RALB: variants seen among roughly 807,000 people sequenced by gnomAD.
RALB encodes RAS like proto-oncogene B.
A neutral mutation model predicts 21.3 loss-of-function variants in RALB; 16 were observed. The observed-to-expected ratio is 0.75, with a 90% CI of 0.51 to 1.14. The LOEUF (loss-of-function observed/expected upper bound fraction) is 1.14. RALB is among the 50% of genes most tolerant of loss of function. The pLI is 0.00. For synonymous variants in RALB, 93 were observed against 96.1 expected (o/e 0.97, Z 0.19); for missense variants, 161 against 256.2 (o/e 0.63, Z 2.54).
intron 1 of RALB, among the ~76,000 whole-genome samples, chr2:120,271,191 C>T (rs569977123): frequency 2.0e-5 from 3 of 152,304 alleles, no homozygotes; most frequent in South Asian, 2.1e-4. Context: ...ATGGGACTAA[C>T]GCTAGTAGAA....
chr2:120,275,914 T>A (rs10203096), intron 1 of RALB, among the ~76,000 whole-genome samples: 105,602 of 151,968 alleles, frequency 0.69, 37,288 homozygotes, highest in Middle Eastern at 0.8. Context: ...AGGGTTGCCA[T>A]CCTGCAGTGA....
At chr2:120,275,758 CGTT>C (rs1689777716) in intron 1 of RALB, among the ~76,000 whole-genome samples, 1 of 152,206 alleles carries the variant, frequency 6.6e-6, no homozygotes, top group East Asian at 1.9e-4. Flanking sequence ...AAAGTGGCCT[CGTT>C]GTCTGGAGTG....
At chr2:120,289,056 A>G (rs1690241915) in intron 3 of RALB, among the ~76,000 whole-genome samples, 1 of 152,166 alleles carries the variant, frequency 6.6e-6, no homozygotes, top group African/African-American at 2.4e-5. Context: ...AGGGGGGAGA[A>G]ACTGCTGGTT....
intron 1 of RALB, among the ~76,000 whole-genome samples, chr2:120,244,745 G>A (rs1688944072): frequency 6.6e-6 from 1 of 152,176 alleles, no homozygotes; most frequent in African/African-American, 2.4e-5. Flanking sequence ...TGCTAGGAGG[G>A]ATGAAAAGAA....
chr2:120,282,910 G>T (rs368602014), intron 2 of RALB, among the ~76,000 whole-genome samples: 2 of 152,132 alleles, frequency 1.3e-5, no homozygotes, highest in Middle Eastern at 3.2e-3. Context: ...AATGTGGCTG[G>T]TGGCTACTAT....
intron 1 of RALB, among the ~76,000 whole-genome samples, chr2:120,265,847 G>T (rs559777732): frequency 6.6e-6 from 1 of 152,254 alleles, no homozygotes; most frequent in Non-Finnish European, 1.5e-5. Context: ...AATAATTCAG[G>T]ATAGGGACAT....
In RALB at chr2:120,278,603, C is replaced by CTT; in HGVS notation, c.-47-13_-47-12dup. The CTT allele has an allele frequency of 2.8e-6, 4 of 1,452,880 alleles. No individual in the cohort carries two copies. The highest frequency in any genetic ancestry group is 2.7e-6 in the Non-Finnish European group (3 of 1,097,446). 90.0% of individuals were successfully genotyped at this position (1,452,880 alleles called of 1,614,324 possible). A position where few individuals can be genotyped will look rare whatever the true frequency, so the allele number is the denominator to read the frequency against. ...AAGCAAATCGCCTCTAAGTCTTTGT[C>CTT]TTTGTCATCAGCAGCTCTTCAGTGG... On this transcript the variant is annotated splice_polypyrimidine_tract_variant and intron_variant, in intron 1 of 4. Coordinates refer to ENST00000272519, the MANE Select transcript of RALB (RefSeq NM_002881.3).
chr2:120,288,421 G>A (rs1690224571), intron 3 of RALB, among the ~76,000 whole-genome samples: 1 of 132,898 alleles, frequency 7.5e-6, no homozygotes, highest in East Asian at 2.1e-4. Context: ...CTGGGCTCAA[G>A]TGTTCCTCCC....
At position 120,293,951 on chromosome 2, in the gene RALB, AT is replaced by A. The variant is rs1690366167; in HGVS notation, c.*696del. 2.5e-6 allele frequency: 1 copy of A among 394,682 alleles called. No homozygotes were observed. Among genetic ancestry groups the A allele is most frequent in the African/African-American group, 2.1e-5 (1 of 48,522 alleles). The allele number at this position is 394,682 out of a possible 1,614,324, so 24.4% of individuals were successfully genotyped here. A position where few individuals can be genotyped will look rare whatever the true frequency, so the allele number is the denominator to read the frequency against. On this transcript the variant is annotated 3_prime_UTR_variant, in exon 5 of 5. Coordinates refer to ENST00000272519, the MANE Select transcript of RALB (RefSeq NM_002881.3). ...TTATTTTTCTCCTGTAAGCATCCTG[AT>A]TTTTCTGTAGGAACTTTTCTTTGGC... is the stretch of plus-strand genomic sequence containing the variant.
intron 1 of RALB, among the ~76,000 whole-genome samples, chr2:120,277,689 AAGT>A (rs754884082): frequency 8.1e-4 from 72 of 88,356 alleles, no homozygotes; most frequent in African/African-American, 1.5e-3. Context: ...TTATGAGTGA[AAGT>A]GTGTATGTGG....
chr2:120,293,959 G>T lies in RALB; in HGVS notation c.*699G>T. The T allele has an allele frequency of 2.5e-6, 1 of 395,166 alleles. No homozygotes were observed. The highest frequency in any genetic ancestry group is 4.5e-6 in the Non-Finnish European group (1 of 224,492). The allele number at this position is 395,166 out of a possible 1,614,324, so 24.5% of individuals were successfully genotyped here. Reference sequence around the variant, plus strand: ...CTCCTGTAAGCATCCTGATTTTTCTGTAGGAACTTTTCTTTGGCAGACCAA... The same window carrying T: ...CTCCTGTAAGCATCCTGATTTTTCTTTAGGAACTTTTCTTTGGCAGACCAA... On this transcript the variant is annotated 3_prime_UTR_variant, in exon 5 of 5. Coordinates refer to ENST00000272519, the MANE Select transcript of RALB (RefSeq NM_002881.3).
intron 1 of RALB, among the ~76,000 whole-genome samples, chr2:120,245,540 C>G (rs1459278013): frequency 6.6e-6 from 1 of 152,158 alleles, no homozygotes; most frequent in South Asian, 2.1e-4. Flanking sequence ...AGCAGTGGGC[C>G]CCAGCAGCAG....
intron 3 of RALB, among the ~76,000 whole-genome samples, chr2:120,288,701 C>T (rs6707196): frequency 0.039 from 5,921 of 151,942 alleles, 414 homozygotes; most frequent in African/African-American, 0.14. Context: ...TTTTAGTAGA[C>T]GTAAAATTTA....
intron 1 of RALB, among the ~76,000 whole-genome samples, chr2:120,274,342 T>TA (rs146622406): frequency 1.2e-3 from 168 of 145,518 alleles, no homozygotes; most frequent in African/African-American, 2.2e-3. Context: ...CTCACTTATT[T>TA]AAAAAAAAAA....
intron 1 of RALB, among the ~76,000 whole-genome samples, chr2:120,243,957 G>T (rs757041012): frequency 2.0e-5 from 3 of 152,148 alleles, no homozygotes; most frequent in Non-Finnish European, 4.4e-5. Context: ...AATTTATGAA[G>T]AAAAGAGGTT....
intron 1 of RALB, chr2:120,253,185 G>GT (rs1359736073): frequency 3.0e-6 from 1 of 329,776 alleles, no homozygotes; most frequent in African/African-American, 2.2e-5. Context: ...GGGGAGTCTC[G>GT]GCTTCCTGGG....
At chr2:120,259,448 A>G (rs547732396) in intron 1 of RALB, among the ~76,000 whole-genome samples, 4 of 151,746 alleles carry the variant, frequency 2.6e-5, no homozygotes, top group East Asian at 3.9e-4. Context: ...ACAGAGTGTC[A>G]ATTGGTGCAT....
chr2:120,248,033 G>A (rs747368163), upstream of RALB, among the ~76,000 whole-genome samples: 30 of 152,264 alleles, frequency 2.0e-4, 1 homozygote, highest in Non-Finnish European at 2.2e-4. Flanking sequence ...GAAGTGAGGC[G>A]AGAACCTCTG....
At chr2:120,291,577 T>C (rs1232744019) in intron 4 of RALB, among the ~76,000 whole-genome samples, 1 of 152,216 alleles carries the variant, frequency 6.6e-6, no homozygotes, top group Admixed American at 6.5e-5. Context: ...CAGAGACTTA[T>C]GACTGGCAGC....
Sources: gnomAD v4.1 joint callset for allele counts (sites outside exome capture counted in the v4.1 genomes callset) on GRCh38, gnomAD v4.1.1 for gene constraint, MANE v1.5 for transcripts, NCBI Gene and HGNC (gene_info 2026-07-23, HGNC 2026-07-21) for gene names.